NOC2L: variants seen among roughly 807,000 people sequenced by gnomAD.
NOC2L encodes nucleolar complex protein 2 homolog.
In NOC2L, 101 loss-of-function variants were observed where a neutral mutation model predicts 94.2. That is an observed-to-expected ratio of 1.07 (90% confidence interval 0.91 to 1.26). The LOEUF (loss-of-function observed/expected upper bound fraction) is 1.26. Among genes scored for constraint, NOC2L ranks in the 50% most tolerant of loss-of-function variants. The pLI, the probability that NOC2L is intolerant of heterozygous loss-of-function variation, is 0.00. For synonymous variants in NOC2L, 531 were observed against 413.4 expected (o/e 1.28, Z -3.45); for missense variants, 1,076 against 980.1 (o/e 1.10, Z -1.31).
In NOC2L at chr1:951,165, A is replaced by C. The variant is rs377053805; in HGVS notation, c.1405T>G (p.Ser469Ala). ...GGCAGCACCGGGATGAAGGCCCCCG[A>C]GCTCCCCGAGAGCAGCGTCAGGGCA... ...IRALTLLSGS[S>A]GAFIPVLPFI... Residue 469 changes from serine to alanine, a missense_variant, in exon 12 of 19, where the codon TCG becomes GCG. By Grantham distance (99) the Ser-to-Ala change is moderately conservative. Transcript: ENST00000327044. 3 of 1,594,564 alleles carry C rather than the reference A, an allele frequency of 1.9e-6. No homozygotes were observed. In the African/African-American group the frequency reaches 4.0e-5, roughly 21 times the overall value.
intron 10 of NOC2L, 51 bp downstream of exon 10, chr1:952,361 G>C: frequency 6.3e-7 from 1 of 1,596,292 alleles, no homozygotes; most frequent in Non-Finnish European, 8.6e-7. Flanking sequence ...CGGGCACCTG[G>C]GCTGCCCCAC....
intron 17 of NOC2L, 38 bp from the exon 18 acceptor site, chr1:945,184 C>G (rs1488186092): frequency 6.4e-7 from 1 of 1,555,850 alleles, no homozygotes; most frequent in African/African-American, 1.4e-5. Flanking sequence ...GACTCCCACC[C>G]ACAGGGTCCA....
rs968450381 is a variant in NOC2L at position 952,334 on chromosome 1, C to T, written c.1191+78G>A. On this transcript the variant is annotated intron_variant, in intron 10 of 18. Coordinates refer to ENST00000327044, the MANE Select transcript of NOC2L (RefSeq NM_015658.4). ...CCAGACAGGGGCTTCGGGGAGGCCCCAGGCCCTGCCTTGGGTCGGGCACCT... is the reference window on the plus strand; with the variant it reads ...CCAGACAGGGGCTTCGGGGAGGCCCTAGGCCCTGCCTTGGGTCGGGCACCT... The T allele has an allele frequency of 7.8e-6, 12 of 1,547,486 alleles. No individual in the cohort carries two copies. In the African/African-American group the frequency reaches 1.4e-4, roughly 18 times the overall value.
intron 2 of NOC2L, chr1:958,503 G>T: frequency 2.8e-6 from 1 of 360,740 alleles, no homozygotes; most frequent in Non-Finnish European, 5.5e-6. Flanking sequence ...GCCCGCCTCG[G>T]CCTCCCAAAG....
In NOC2L at chr1:944,566, T is replaced by A. The variant is rs1557613631; in HGVS notation, c.*128A>T. 2 of 639,562 alleles carry A rather than the reference T, an allele frequency of 3.1e-6. No homozygotes were observed. The highest frequency in any genetic ancestry group is 5.3e-6 in the Non-Finnish European group (2 of 376,740). The allele number at this position is 639,562 out of a possible 1,614,324, so 39.6% of individuals were successfully genotyped here. On this transcript the variant is annotated 3_prime_UTR_variant, in exon 19 of 19. Coordinates refer to ENST00000327044, the MANE Select transcript of NOC2L (RefSeq NM_015658.4). ...GTCTTTCATGCTGAAAAATAAATAATAAAGCCTGTCCCGTGTCTACTGCCT... is the reference window on the plus strand; with the variant it reads ...GTCTTTCATGCTGAAAAATAAATAAAAAAGCCTGTCCCGTGTCTACTGCCT...
chr1:945,219 G>A (rs754199831), intron 17 of NOC2L, 73 bp from the exon 18 acceptor site: 2 of 1,522,194 alleles, frequency 1.3e-6, no homozygotes, highest in Non-Finnish European at 1.8e-6. Context: ...GTGGGGGCAG[G>A]AGGGTGGCCA....
chr1:944,871 C>T lies in NOC2L; in HGVS notation c.2144-71G>A, dbSNP rs545286842. 5.4e-6 allele frequency: 7 copies of T among 1,298,800 alleles called. No individual in the cohort carries two copies. In the African/African-American group the frequency reaches 7.4e-5, roughly 14 times the overall value. 80.5% of individuals were successfully genotyped at this position (1,298,800 alleles called of 1,614,324 possible). On this transcript the variant is annotated intron_variant, in intron 18 of 18. Transcript: ENST00000327044. ...GAAGCCAGCCTTAGAGGTTACTCAT[C>T]ACTAATTAATCACGGCACTAATTAA...
Position 946,260 on chromosome 1 carries a change from T to A in NOC2L, c.1830A>T (p.Glu610Asp). ...AGTACAAGGTCAGGGGTGTCCCCTC[T>A]TCCCGGGTCAGCTTCTCCCAGGCTT... ...AVEAWEKLTR[E>D]EGTPLTLYYS... The change falls in exon 16 of 19, where the codon GAA (glutamate) becomes GAT (aspartate). Residue 610 changes from glutamate to aspartate, a missense_variant. Physicochemically the swap from Glu to Asp is conservative, Grantham distance 45 (BLOSUM62 2). Transcript: ENST00000327044. 1 of 1,613,772 alleles carries A rather than the reference T, an allele frequency of 6.2e-7. No homozygotes were observed. Among genetic ancestry groups the A allele is most frequent in the East Asian group, 2.2e-5 (1 of 44,888 alleles).
chr1:946,870 C>A (rs111463901), intron 14 of NOC2L: 8,692 of 210,572 alleles, frequency 0.041, 264 homozygotes, highest in Middle Eastern at 0.067. Context: ...CCAGCCTGGC[C>A]AACGTGGCAA....
rs1275651510 is a variant in NOC2L at position 945,520 on chromosome 1, C to G, written c.2051G>C (p.Arg684Thr). The change falls in exon 17 of 19, where the codon AGA becomes ACA. Residue 684 changes from arginine (R) to threonine (T), a missense_variant and splice_region_variant. Transcript: ENST00000327044. ...TGGGAGCACCACGCAGGCCCCACCTCTCTCCGAGAATCCCTCGGTGTCGTC... is the reference window on the plus strand; with the variant it reads ...TGGGAGCACCACGCAGGCCCCACCTGTCTCCGAGAATCCCTCGGTGTCGTC... ...EEDDTEGFSE[R>T]GILRPLSTRH... 6.2e-7 allele frequency: 1 copy of G among 1,613,736 alleles called. No homozygotes were observed. Among genetic ancestry groups the G allele is most frequent in the Admixed American group, 1.7e-5 (1 of 60,016 alleles).
chr1:959,252 G>T lies in NOC2L; in HGVS notation c.-12C>A. 6.2e-7 allele frequency: 1 copy of T among 1,603,120 alleles called. No individual in the cohort carries two copies. The highest frequency in any genetic ancestry group is 8.5e-7 in the Non-Finnish European group (1 of 1,175,640). On this transcript the variant is annotated 5_prime_UTR_variant, in exon 1 of 19. Coordinates refer to ENST00000327044, the MANE Select transcript of NOC2L (RefSeq NM_015658.4). ...CCCGCAGCTGCCATGACACCAACCC[G>T]AAGCGTGCACCCCACTTCCGGCCCC...
At chr1:946,593 G>A in intron 14 of NOC2L, 48 bp from the exon 15 acceptor site, 1 of 1,591,460 alleles carries the variant, frequency 6.3e-7, no homozygotes, top group Non-Finnish European at 8.6e-7. Flanking sequence ...CGCTCCATGT[G>A]CACAGCTGGC....
intron 16 of NOC2L, 62 bp from the exon 17 acceptor site, chr1:945,715 G>A: frequency 6.2e-7 from 1 of 1,610,608 alleles, no homozygotes; most frequent in Non-Finnish European, 8.5e-7. Flanking sequence ...GCCACAGCAG[G>A]GCCAGGCATC....
At chr1:949,878 C>T (rs774022031) in intron 12 of NOC2L, among the ~76,000 whole-genome samples, 4 of 152,188 alleles carry the variant, frequency 2.6e-5, no homozygotes, top group Non-Finnish European at 5.9e-5. Flanking sequence ...GACCCAGCAA[C>T]CTGGGGACCC....
rs1299332695 is a variant in NOC2L, at chr1:946,225, C to T, written c.1865G>A (p.Trp622Ter). Residue 622 changes from tryptophan to a stop codon, truncating the protein, a stop_gained, in exon 16 of 19, where the codon TGG (tryptophan) becomes TAG (stop). Coordinates refer to ENST00000327044, the MANE Select transcript of NOC2L (RefSeq NM_015658.4). LOFTEE classifies it high-confidence loss of function. ...GTPLTLYYSH[W>*]RKLRDREIQL... Reference sequence around the variant, plus strand: ...GATCTCCCGGTCACGCAGCTTGCGCCAGTGGCTGTAGTACAAGGTCAGGGG... The same window carrying T: ...GATCTCCCGGTCACGCAGCTTGCGCTAGTGGCTGTAGTACAAGGTCAGGGG... 6.2e-7 allele frequency: 1 copy of T among 1,613,802 alleles called. No individual in the cohort carries two copies. Among genetic ancestry groups the T allele is most frequent in the Non-Finnish European group, 8.5e-7 (1 of 1,179,882 alleles).
intron 12 of NOC2L, among the ~76,000 whole-genome samples, chr1:950,524 C>T (rs76451547): frequency 0.016 from 2,395 of 152,026 alleles, 51 homozygotes; most frequent in African/African-American, 0.054. Context: ...GGTGCACACA[C>T]GCAAAGGTAC....
intron 18 of NOC2L, 108 bp downstream of exon 18, chr1:944,949 A>G (rs1642051970): frequency 6.4e-7 from 1 of 1,554,640 alleles, no homozygotes; most frequent in Admixed American, 1.8e-5. Flanking sequence ...TGGCCTTCCC[A>G]GGGAGGGAAA....
rs1207519077 is a variant in NOC2L at position 956,143 on chromosome 1, C to T, written c.559G>A (p.Asp187Asn). 27 of 1,613,898 alleles carry T rather than the reference C, an allele frequency of 1.7e-5. No individual in the cohort carries two copies. Among genetic ancestry groups the T allele is most frequent in the Non-Finnish European group, 2.0e-5 (24 of 1,180,032 alleles). ...FRAAVATTRG[D>N]QESAEANKFQ... is the part of the protein sequence containing the mutation. ...TTGTTGGCCTCAGCACTTTCCTGGT[C>T]CCCTCGGGTGGTGGCCACAGCTGCT... Residue 187 changes from aspartate to asparagine, a missense_variant, in exon 5 of 19, where the codon GAC becomes AAC. Transcript: ENST00000327044.
intron 8 of NOC2L, 71 bp from the exon 9 acceptor site, chr1:953,359 C>A: frequency 2.2e-6 from 2 of 909,104 alleles, no homozygotes; most frequent in East Asian, 2.6e-5. Context: ...CCAGCACAGC[C>A]CTCCCCAGCC....
Sources: gnomAD v4.1 joint callset for allele counts (sites outside exome capture counted in the v4.1 genomes callset) on GRCh38, gnomAD v4.1.1 for gene constraint, MANE v1.5 for transcripts, NCBI Gene and HGNC (gene_info 2026-07-23, HGNC 2026-07-21) for gene names.